Variants in KIF21A observed in about 807,000 individuals in gnomAD.
KIF21A encodes kinesin-like protein KIF21A.
A neutral mutation model predicts 202.9 loss-of-function variants in KIF21A; 114 were observed. The observed-to-expected ratio is 0.56, with a 90% confidence interval of 0.48 to 0.66. The LOEUF (loss-of-function observed/expected upper bound fraction) is 0.66. Ranked by LOEUF, KIF21A falls within the 30% of genes least tolerant of loss-of-function variation. The probability of loss-of-function intolerance (pLI) is 0.00; values close to 1 mark genes in which losing one functional copy is unlikely to be tolerated. For missense variants in KIF21A, 1,677 were observed against 1,994.9 expected (o/e 0.84, Z 3.04); for synonymous variants, 667 against 670.8 (o/e 0.99, Z 0.09).
chr12:39,349,492 C>T (rs1948189314), intron 11 of KIF21A, among the ~76,000 whole-genome samples: 1 of 152,056 alleles, frequency 6.6e-6, no homozygotes, highest in Admixed American at 6.6e-5. Flanking sequence ...CAGGAGCTAT[C>T]ACTTCCAAGG....
At chr12:39,307,751 A>G in intron 33 of KIF21A, 22 bp from the exon 34 acceptor site, 1 of 1,611,248 alleles carries the variant, frequency 6.2e-7, no homozygotes. Context: ...CAAACAAAGC[A>G]AAAAAGTCAC....
chr12:39,393,447 G>A (rs1452585124), intron 1 of KIF21A, among the ~76,000 whole-genome samples: 1 of 152,174 alleles, frequency 6.6e-6, no homozygotes, highest in Non-Finnish European at 1.5e-5. Context: ...AATCCCAAAT[G>A]AGTGTTTCCA....
intron 1 of KIF21A, among the ~76,000 whole-genome samples, chr12:39,385,148 T>A (rs1950859919): frequency 6.6e-6 from 1 of 152,104 alleles, no homozygotes; most frequent in African/African-American, 2.4e-5. Context: ...GGTGTCACCT[T>A]GGGGTCTGTC....
chr12:39,331,321 AT>A (rs1201730852), intron 22 of KIF21A, among the ~76,000 whole-genome samples: 1 of 152,172 alleles, frequency 6.6e-6, no homozygotes, highest in Non-Finnish European at 1.5e-5. Context: ...GAATGATTAA[AT>A]TATTTTTTCT....
intron 24 of KIF21A, among the ~76,000 whole-genome samples, chr12:39,327,619 A>T (rs777310193): frequency 4.5e-4 from 69 of 152,112 alleles, no homozygotes; most frequent in Non-Finnish European, 8.5e-4. Context: ...AAAGCTCTTA[A>T]CTCCTGCTTA....
intron 7 of KIF21A, among the ~76,000 whole-genome samples, chr12:39,360,847 G>C (rs571470826): frequency 1.3e-5 from 2 of 152,234 alleles, no homozygotes; most frequent in Admixed American, 6.5e-5. Flanking sequence ...AACATATGGA[G>C]CTTATTTTCA....
rs1368454806 is a variant in KIF21A, at chr12:39,344,352, T to C, written c.1712+2114A>G. On this transcript the variant is annotated intron_variant, in intron 12 of 37. Coordinates refer to ENST00000361418, the MANE Select transcript of KIF21A (RefSeq NM_001173464.2). Reference sequence around the variant, plus strand: ...ATACTTGAGGTTTAGGTCTAAGGTGTAGGGCTAGGAAAGGACAATTTGTAG... The same window carrying C: ...ATACTTGAGGTTTAGGTCTAAGGTGCAGGGCTAGGAAAGGACAATTTGTAG... 5.9e-5 allele frequency among the ~76,000 whole-genome samples: 9 copies of C among 152,166 alleles called. No homozygotes were observed. In the South Asian group the frequency reaches 1.0e-3, roughly 17 times the overall value.
At chr12:39,363,486 C>T (rs1245775831) in intron 6 of KIF21A, among the ~76,000 whole-genome samples, 1 of 151,970 alleles carries the variant, frequency 6.6e-6, no homozygotes, top group African/African-American at 2.4e-5. Flanking sequence ...TTAGTTACCC[C>T]TAGAATTATC....
intron 1 of KIF21A, among the ~76,000 whole-genome samples, chr12:39,395,615 G>A (rs1283853028): frequency 1.3e-5 from 2 of 152,062 alleles, no homozygotes; most frequent in African/African-American, 2.4e-5. Flanking sequence ...GCTGAGGCGG[G>A]CGGGTCTCCT....
Position 39,370,144 on chromosome 12 carries a change from T to C in KIF21A, c.162A>G (p.Val54=), listed in dbSNP as rs754537818. 74 of 1,613,470 alleles carry C rather than the reference T, an allele frequency of 4.6e-5. No individual in the cohort carries two copies. The Middle Eastern group carries it at 1.8e-3, about 39-fold the overall frequency. Residue 54 remains valine, a synonymous_variant, in exon 2 of 38, where the codon GTA becomes GTG. Coordinates refer to ENST00000361418, the MANE Select transcript of KIF21A (RefSeq NM_001173464.2). ...GCTCTTGCTGGGAGTCAATGTCAAATACATAGTCAAAAGTAAAAGCCTTAT... is the reference window on the plus strand; with the variant it reads ...GCTCTTGCTGGGAGTCAATGTCAAACACATAGTCAAAAGTAAAAGCCTTAT... The part of the protein sequence containing the change: ...GKDKAFTFDY[V]FDIDSQQEQI...
chr12:39,364,450 G>A (rs989354192), intron 6 of KIF21A, among the ~76,000 whole-genome samples: 1 of 152,154 alleles, frequency 6.6e-6, no homozygotes, highest in African/African-American at 2.4e-5. Context: ...TCAAAACAAT[G>A]CAAGAAGTCC....
intron 37 of KIF21A, among the ~76,000 whole-genome samples, chr12:39,294,786 T>C (rs1942133635): frequency 6.6e-6 from 1 of 152,218 alleles, no homozygotes; most frequent in Non-Finnish European, 1.5e-5. Context: ...CCATCAGCAA[T>C]AGCTACTGCT....
At chr12:39,376,301 CT>C (rs1950267915) in intron 1 of KIF21A, among the ~76,000 whole-genome samples, 1 of 152,068 alleles carries the variant, frequency 6.6e-6, no homozygotes, top group African/African-American at 2.4e-5. Context: ...CAAAATTAGC[CT>C]TTTCATAGTA....
chr12:39,402,464 G>A (rs763069534), intron 1 of KIF21A, among the ~76,000 whole-genome samples: 16 of 152,182 alleles, frequency 1.1e-4, no homozygotes, highest in Non-Finnish European at 1.9e-4. Flanking sequence ...TCAGGAGGCC[G>A]AGGAGGGAGG....
intron 10 of KIF21A, chr12:39,356,473 G>C (rs145037435): frequency 1.1e-5 from 2 of 173,996 alleles, no homozygotes; most frequent in African/African-American, 4.8e-5. Flanking sequence ...TGGAGATGAT[G>C]TGTAGATATT....
At chr12:39,436,448 A>ATATATATATATATATATATATATATT (rs1387332677) in intron 1 of KIF21A, among the ~76,000 whole-genome samples, 20 of 95,754 alleles carry the variant, frequency 2.1e-4, no homozygotes, top group African/African-American at 7.1e-4. Context: ...ATATATATAT[A>ATATATATATATATATATATATATATT]TTTTTTTTTT....
intron 12 of KIF21A, among the ~76,000 whole-genome samples, chr12:39,346,061 T>G (rs914056344): frequency 2.0e-5 from 3 of 152,030 alleles, no homozygotes; most frequent in Non-Finnish European, 4.4e-5. Context: ...TGATTCAGCA[T>G]GTGCTACAAC....
rs118002478 is a variant in KIF21A at position 39,442,245 on chromosome 12, A to C, written c.44+682T>G. ...CATTTCACCCTTCCTCTGGCTAAAG[A>C]GTTTTCCTCCTTCTGTAGACCTCTC... On this transcript the variant is annotated intron_variant, in intron 1 of 37. Coordinates refer to ENST00000361418, the MANE Select transcript of KIF21A (RefSeq NM_001173464.2). The surrounding 1 kb of genome is among the most constrained non-coding windows in gnomAD (Gnocchi z 5.0). 0.015 allele frequency among the ~76,000 whole-genome samples: 2,358 copies of C among 152,146 alleles called. 28 individuals are homozygous for C. The highest frequency in any genetic ancestry group is 0.024 in the Middle Eastern group (7 of 294).
Position 39,442,066 on chromosome 12 carries a change from A to C in KIF21A, c.44+861T>G, listed in dbSNP as rs1006221787. Reference sequence around the variant, plus strand: ...TTCTTGATAAGTATCAAAACAGCCGAAATTACATCGAATACTCGTGCCTGT... The same window carrying C: ...TTCTTGATAAGTATCAAAACAGCCGCAATTACATCGAATACTCGTGCCTGT... On this transcript the variant is annotated intron_variant, in intron 1 of 37. Transcript: ENST00000361418. This position sits in a 1 kb window ranked among gnomAD's most constrained non-coding sequence, Gnocchi z 5.0. Among the ~76,000 whole-genome samples the C allele has an allele frequency of 1.3e-5, 2 of 152,196 alleles. No individual in the cohort carries two copies. The highest frequency in any genetic ancestry group is 4.8e-5 in the African/African-American group (2 of 41,444).
Sources: gnomAD v4.1 joint callset for allele counts (sites outside exome capture counted in the v4.1 genomes callset) on GRCh38, gnomAD v4.1.1 for gene constraint, Gnocchi (gnomAD v3.1) non-coding constraint, MANE v1.5 for transcripts, NCBI Gene and HGNC (gene_info 2026-07-23, HGNC 2026-07-21) for gene names.